WDR88: variants seen among roughly 807,000 people sequenced by gnomAD.
WDR88 encodes the protein WD repeat domain 88, also known as WD repeat-containing protein 88.
In WDR88, 40 loss-of-function variants were observed where a neutral mutation model predicts 46.8. The observed-to-expected ratio is 0.86, with a 90% CI of 0.66 to 1.11. WDR88 has a LOEUF of 1.11. Ranked by LOEUF, WDR88 falls within the 50% of genes most tolerant of loss-of-function variation. The probability of loss-of-function intolerance (pLI) is 0.00; values close to 1 mark genes in which losing one functional copy is unlikely to be tolerated. For synonymous variants in WDR88, 235 were observed against 240.7 expected, an observed-to-expected ratio of 0.98 and a Z score of 0.22; for missense variants, 562 against 602.4, an observed-to-expected ratio of 0.93 and a Z score of 0.70.
At chr19:33,162,043 T>C (rs1346676361) in intron 8 of WDR88, among the ~76,000 whole-genome samples, 1 of 152,178 alleles carries the variant, frequency 6.6e-6, no homozygotes. Flanking sequence ...CGGTTTAACC[T>C]TCCCTCTGAT....
intron 10 of WDR88, chr19:33,174,115 G>C (rs988754051): frequency 7.3e-6 from 11 of 1,515,980 alleles, no homozygotes; most frequent in Non-Finnish European, 8.9e-6. Flanking sequence ...GCCTCCCAAA[G>C]TGCTGGGACT....
In WDR88 at chr19:33,175,640, G is replaced by C; in HGVS notation, c.*68G>C. The C allele has an allele frequency of 1.3e-6, 2 of 1,584,222 alleles. No individual in the cohort carries two copies. The highest frequency in any genetic ancestry group is 1.7e-6 in the Non-Finnish European group (2 of 1,162,216). ...GCATGTAGGTTTCGGGGCTTTGCAGGGGCTTTCTCTTGGGCCCCTCCCAGG... is the reference window on the plus strand; with the variant it reads ...GCATGTAGGTTTCGGGGCTTTGCAGCGGCTTTCTCTTGGGCCCCTCCCAGG... On this transcript the variant is annotated 3_prime_UTR_variant, in exon 11 of 11. Transcript: ENST00000355868.
At chr19:33,174,221 G>A (rs1420769736) in intron 10 of WDR88, 14 of 1,536,416 alleles carry the variant, frequency 9.1e-6, no homozygotes, top group Admixed American at 2.0e-5. Context: ...GCAAGGATGA[G>A]CCTGCTGCAT....
chr19:33,162,363 G>A (rs1973882514), intron 8 of WDR88, among the ~76,000 whole-genome samples: 2 of 144,916 alleles, frequency 1.4e-5, no homozygotes, highest in East Asian at 2.2e-4. Flanking sequence ...ACCATGCCCG[G>A]CTAATTTTTT....
At chr19:33,167,793 CTCTT>C (rs959545903) in intron 9 of WDR88, among the ~76,000 whole-genome samples, 6 of 151,546 alleles carry the variant, frequency 4.0e-5, no homozygotes, top group Admixed American at 3.3e-4. Context: ...CTCTCTTTCT[CTCTT>C]TCTTTCTTTC....
chr19:33,145,006 A>ATTTTTG, intron 3 of WDR88, 74 bp downstream of exon 3: 1 of 1,428,376 alleles, frequency 7.0e-7, no homozygotes, highest in Non-Finnish European at 9.7e-7. Flanking sequence ...TGCCTGTGAC[A>ATTTTTG]TTTTTGTTTT....
chr19:33,147,897 C>T (rs748746588), intron 4 of WDR88, among the ~76,000 whole-genome samples, 189 bp downstream of exon 4: 4 of 151,932 alleles, frequency 2.6e-5, no homozygotes, highest in Non-Finnish European at 5.9e-5. Flanking sequence ...TGCAAAAAGT[C>T]TGGAGGGTGA....
At chr19:33,170,290 G>A (rs761914874) in intron 9 of WDR88, among the ~76,000 whole-genome samples, 5 of 152,048 alleles carry the variant, frequency 3.3e-5, no homozygotes, top group African/African-American at 7.2e-5. Context: ...CGATCCTCCC[G>A]CCTTAGCCTC....
chr19:33,175,582 G>A lies in WDR88; in HGVS notation c.*10G>A, dbSNP rs779473476. ...AAGCAAGGATGACTGACAGCCACAG[G>A]CCCCTTTGAGTGACTCCAGCACAGG... On this transcript the variant is annotated 3_prime_UTR_variant, in exon 11 of 11. Transcript: ENST00000355868. 1 of 1,613,972 alleles carries A rather than the reference G, an allele frequency of 6.2e-7. No individual in the cohort carries two copies. The highest frequency in any genetic ancestry group is 2.2e-5 in the East Asian group (1 of 44,874).
At position 33,132,426 on chromosome 19, in the gene WDR88, A is replaced by C; in HGVS notation, c.257A>C (p.Asp86Ala). The stretch of plus-strand genomic sequence containing the variant: ...GTGCCGGAGAAATTGATCTGGGGCG[A>C]CCAGGACCCTCTCTCCAAGGTCAGA... ...HQVPEKLIWG[D>A]QDPLSKIPFK... Residue 86 changes from aspartate to alanine, a missense_variant, in exon 1 of 11, where the codon GAC (aspartate) becomes GCC (alanine). Transcript: ENST00000355868. 1 of 1,613,926 alleles carries C rather than the reference A, an allele frequency of 6.2e-7. No individual in the cohort carries two copies. Among genetic ancestry groups the C allele is most frequent in the Non-Finnish European group, 8.5e-7 (1 of 1,179,984 alleles).
intron 10 of WDR88, 152 bp downstream of exon 10, chr19:33,172,592 G>C (rs895099032): frequency 1.6e-6 from 1 of 640,984 alleles, no homozygotes; most frequent in East Asian, 2.8e-5. Flanking sequence ...AATTCTAAGA[G>C]AGGAAACAAA....
intron 7 of WDR88, among the ~76,000 whole-genome samples, chr19:33,157,484 C>G (rs1013519281): frequency 5.6e-5 from 8 of 142,168 alleles, no homozygotes; most frequent in Non-Finnish European, 1.1e-4. Context: ...GGTGACAGAG[C>G]GAGACTCTGT....
At chr19:33,146,478 TCC>T in intron 3 of WDR88, among the ~76,000 whole-genome samples, 1 of 88,852 alleles carries the variant, frequency 1.1e-5, no homozygotes, top group South Asian at 5.5e-4. Flanking sequence ...CTTCCTTCCT[TCC>T]TTCCTTCCTT....
At chr19:33,161,771 C>T (rs1277237341) in intron 8 of WDR88, among the ~76,000 whole-genome samples, 1 of 152,076 alleles carries the variant, frequency 6.6e-6, no homozygotes, top group African/African-American at 2.4e-5. Flanking sequence ...TCGAGACCAG[C>T]CTGGCCAACA....
chr19:33,149,907 G>C (rs370335459), intron 5 of WDR88, among the ~76,000 whole-genome samples: 1 of 151,936 alleles, frequency 6.6e-6, no homozygotes, highest in Admixed American at 6.6e-5. Flanking sequence ...TGATCTGCCC[G>C]CCTTGGTCTC....
intron 7 of WDR88, among the ~76,000 whole-genome samples, chr19:33,158,114 A>G (rs1458263943): frequency 6.6e-6 from 1 of 152,052 alleles, no homozygotes; most frequent in Non-Finnish European, 1.5e-5. Context: ...AGCTCCAGGG[A>G]GGGAAGTGGG....
intron 2 of WDR88, among the ~76,000 whole-genome samples, chr19:33,138,880 C>T (rs1245779764): frequency 6.6e-6 from 1 of 151,922 alleles, no homozygotes; most frequent in East Asian, 1.9e-4. Context: ...CAGGGTTTCA[C>T]TGTGTTGGCC....
chr19:33,157,529 A>ATATATATATATG (rs1973761867), intron 7 of WDR88, among the ~76,000 whole-genome samples: 1 of 123,022 alleles, frequency 8.1e-6, no homozygotes, highest in Admixed American at 9.6e-5. Context: ...ATATGTGTAT[A>ATATATATATATG]TATATATATA....
intron 2 of WDR88, among the ~76,000 whole-genome samples, chr19:33,144,626 C>T (rs1973472360): frequency 6.6e-6 from 1 of 152,180 alleles, no homozygotes; most frequent in African/African-American, 2.4e-5. Flanking sequence ...GGTAATTTCC[C>T]ATGGATGCCA....
Sources: gnomAD v4.1 joint callset for allele counts (sites outside exome capture counted in the v4.1 genomes callset) on GRCh38, gnomAD v4.1.1 for gene constraint, MANE v1.5 for transcripts, NCBI Gene and HGNC (gene_info 2026-07-23, HGNC 2026-07-21) for gene names.